Variants in GUCY1A2 observed in about 807,000 individuals in gnomAD.
GUCY1A2 encodes guanylate cyclase soluble subunit alpha-2.
GUCY1A2 carries 27 observed loss-of-function variants against 63.5 expected under a neutral mutation model. The ratio of observed to expected loss-of-function variants is 0.43; its 90% CI spans 0.31 to 0.59. The LOEUF (loss-of-function observed/expected upper bound fraction) is 0.59, where lower values mean the gene tolerates loss of function less well. Among genes scored for constraint, GUCY1A2 ranks in the 20% least tolerant of loss-of-function variants. The probability of loss-of-function intolerance (pLI) is 0.11; values close to 1 mark genes in which losing one functional copy is unlikely to be tolerated. For synonymous variants in GUCY1A2, 364 were observed against 343.5 expected, an observed-to-expected ratio of 1.06 and a Z score of -0.66; for missense variants, 768 against 913.3, an observed-to-expected ratio of 0.84 and a Z score of 2.05.
At chr11:106,919,245 T>G (rs1331177504) in intron 4 of GUCY1A2, among the ~76,000 whole-genome samples, 1 of 152,032 alleles carries the variant, frequency 6.6e-6, no homozygotes, top group Admixed American at 6.6e-5. Flanking sequence ...TTGGCATACG[T>G]TGGTCAAAGG....
intron 6 of GUCY1A2, among the ~76,000 whole-genome samples, chr11:106,734,583 G>T (rs1002990420): frequency 1.1e-4 from 16 of 152,128 alleles, no homozygotes; most frequent in African/African-American, 3.6e-4. Context: ...GACTGATTTA[G>T]ATATATTTTT....
At chr11:106,695,154 C>T (rs989474646) in intron 7 of GUCY1A2, among the ~76,000 whole-genome samples, 3 of 152,162 alleles carry the variant, frequency 2.0e-5, no homozygotes, top group Non-Finnish European at 2.9e-5. Flanking sequence ...TTACCACCTT[C>T]CTCTCTTCCA....
At chr11:106,820,333 A>G (rs1476699484) in intron 4 of GUCY1A2, among the ~76,000 whole-genome samples, 1 of 152,214 alleles carries the variant, frequency 6.6e-6, no homozygotes, top group Non-Finnish European at 1.5e-5. Flanking sequence ...TGTCACAGCC[A>G]TGCAACCTTC....
rs767099301 is a variant in GUCY1A2, at chr11:106,708,699, T to C, written c.1837-33A>G. 1.0e-5 allele frequency: 15 copies of C among 1,449,990 alleles called. No individual in the cohort carries two copies. In the African/African-American group the frequency reaches 1.9e-4, roughly 18 times the overall value. The allele number at this position is 1,449,990 out of a possible 1,614,324, so 89.8% of individuals were successfully genotyped here. ...AGAATGAAAGAGGAAAAGGAACATA[T>C]TTGTTTCCATTTGGTATGCAATTAT... On this transcript the variant is annotated intron_variant, in intron 6 of 7. Coordinates refer to ENST00000526355, the MANE Select transcript of GUCY1A2 (RefSeq NM_000855.3).
intron 4 of GUCY1A2, chr11:106,826,818 G>C (rs1274008145): frequency 2.5e-6 from 4 of 1,608,728 alleles, no homozygotes; most frequent in Non-Finnish European, 3.4e-6. Flanking sequence ...ATGTAGTACA[G>C]ATGTCACCGG....
In GUCY1A2 at chr11:106,872,348, A is replaced by G. The variant is rs146150003; in HGVS notation, c.1207-61870T>C. ...ACTAATATTATCATAAGTGACACTCATATTCCTACTTGCAGAATCCAGAGA... is the reference window on the plus strand; with the variant it reads ...ACTAATATTATCATAAGTGACACTCGTATTCCTACTTGCAGAATCCAGAGA... On this transcript the variant is annotated intron_variant, in intron 4 of 7. Coordinates refer to ENST00000526355, the MANE Select transcript of GUCY1A2 (RefSeq NM_000855.3). Among the ~76,000 whole-genome samples, 29 of 152,288 alleles carry G rather than the reference A, an allele frequency of 1.9e-4. No homozygotes were observed. The East Asian group carries it at 5.2e-3, about 27-fold the overall frequency.
At chr11:106,829,883 C>T (rs1859027095) in intron 4 of GUCY1A2, among the ~76,000 whole-genome samples, 1 of 152,120 alleles carries the variant, frequency 6.6e-6, no homozygotes, top group East Asian at 1.9e-4. Flanking sequence ...CTACAAATAG[C>T]CCAGATCCTT....
chr11:106,962,227 T>G (rs1170651094), intron 3 of GUCY1A2, among the ~76,000 whole-genome samples: 1 of 152,046 alleles, frequency 6.6e-6, no homozygotes, highest in Non-Finnish European at 1.5e-5. Flanking sequence ...TCCCAAAGGA[T>G]CAGGACTATG....
At chr11:106,954,757 A>G (rs996105065) in intron 3 of GUCY1A2, among the ~76,000 whole-genome samples, 1 of 152,074 alleles carries the variant, frequency 6.6e-6, no homozygotes, top group Non-Finnish European at 1.5e-5. Flanking sequence ...ACCATTGTAT[A>G]ATACCCTTGT....
chr11:106,993,574 G>T (rs1352129438), intron 1 of GUCY1A2, among the ~76,000 whole-genome samples: 2 of 151,914 alleles, frequency 1.3e-5, no homozygotes, highest in African/African-American at 4.8e-5. Flanking sequence ...AGAACTTTGA[G>T]TCAGGACCTC....
intron 6 of GUCY1A2, among the ~76,000 whole-genome samples, chr11:106,710,544 A>G (rs1863098717): frequency 6.6e-6 from 1 of 150,754 alleles, no homozygotes; most frequent in South Asian, 2.1e-4. Flanking sequence ...CCATTTTAAA[A>G]TGGAGTTAAA....
Position 106,678,460 on chromosome 11 carries a change from A to G in GUCY1A2, c.*9089T>C, listed in dbSNP as rs1236690852. 1 of 213,174 alleles carries G rather than the reference A, an allele frequency of 4.7e-6. No individual in the cohort carries two copies. Among genetic ancestry groups the G allele is most frequent in the Admixed American group, 5.9e-5 (1 of 17,062 alleles). 13.2% of individuals were successfully genotyped at this position (213,174 alleles called of 1,614,324 possible). ...CAAGTGGTTAGATACATAAATATTG[A>G]TCCAGATTGCCCAAACCTCAGAAGA... is the stretch of plus-strand genomic sequence containing the variant. On this transcript the variant is annotated 3_prime_UTR_variant, in exon 8 of 8. Coordinates refer to ENST00000526355, the MANE Select transcript of GUCY1A2 (RefSeq NM_000855.3).
At chr11:106,995,555 C>T (rs1270816882) in intron 1 of GUCY1A2, among the ~76,000 whole-genome samples, 1 of 152,140 alleles carries the variant, frequency 6.6e-6, no homozygotes, top group Non-Finnish European at 1.5e-5. Context: ...TTTTTCTGAA[C>T]CTCAATTTAA....
chr11:106,675,487 T>C lies in GUCY1A2; in HGVS notation c.*12062A>G, dbSNP rs975187891. ...ACAATGAATTAGTAGCTTGTAAATT[T>C]TGCAGATCTGGGCCTTCAATAACTT... On this transcript the variant is annotated 3_prime_UTR_variant, in exon 8 of 8. Coordinates refer to ENST00000526355, the MANE Select transcript of GUCY1A2 (RefSeq NM_000855.3). 1 of 201,456 alleles carries C rather than the reference T, an allele frequency of 5.0e-6. No homozygotes were observed. Among genetic ancestry groups the C allele is most frequent in the Non-Finnish European group, 1.0e-5 (1 of 97,966 alleles). The allele number at this position is 201,456 out of a possible 1,614,324, so 12.5% of individuals were successfully genotyped here. A position where few individuals can be genotyped will look rare whatever the true frequency, so the allele number is the denominator to read the frequency against.
intron 2 of GUCY1A2, among the ~76,000 whole-genome samples, chr11:106,983,922 T>C (rs773961546): frequency 2.0e-5 from 3 of 152,244 alleles, no homozygotes; most frequent in Non-Finnish European, 2.9e-5. Flanking sequence ...TTGTATTTTC[T>C]TAAGAGGAAC....
At chr11:106,718,990 A>C (rs1343909829) in intron 6 of GUCY1A2, among the ~76,000 whole-genome samples, 2 of 152,118 alleles carry the variant, frequency 1.3e-5, no homozygotes, top group Non-Finnish European at 2.9e-5. Context: ...AATGGCACTA[A>C]GGATACACTT....
intron 1 of GUCY1A2, among the ~76,000 whole-genome samples, chr11:107,012,330 A>C (rs1019500341): frequency 6.6e-6 from 1 of 150,464 alleles, no homozygotes; most frequent in Admixed American, 6.6e-5. Flanking sequence ...GGTGACTAGC[A>C]AGTGAATTAT....
At chr11:106,833,584 G>A (rs1037914183) in intron 4 of GUCY1A2, among the ~76,000 whole-genome samples, 1 of 151,884 alleles carries the variant, frequency 6.6e-6, no homozygotes, top group African/African-American at 2.4e-5. Flanking sequence ...ATGATGATAG[G>A]ATGCTAGATC....
Position 106,843,782 on chromosome 11 carries a change from A to C in GUCY1A2, c.1207-33304T>G, listed in dbSNP as rs1859233178. ...TAGTTCTCCTGACACAATACTAATT[A>C]TTCTTACTACTTTACTGATTCTTCT... On this transcript the variant is annotated intron_variant, in intron 4 of 7. Coordinates refer to ENST00000526355, the MANE Select transcript of GUCY1A2 (RefSeq NM_000855.3). Among the ~76,000 whole-genome samples the C allele has an allele frequency of 2.6e-5, 4 of 151,918 alleles. No homozygotes were observed. The South Asian group carries it at 8.3e-4, about 31-fold the overall frequency.
Sources: allele counts gnomAD v4.1 joint callset (sites outside exome capture counted in the v4.1 genomes callset), GRCh38; gene constraint gnomAD v4.1.1; transcripts MANE v1.5; gene names NCBI Gene and HGNC (gene_info 2026-07-23, HGNC 2026-07-21).